RMDN1: variants seen among roughly 807,000 people sequenced by gnomAD.
RMDN1 encodes the protein regulator of microtubule dynamics protein 1.
In RMDN1, 48 loss-of-function variants were observed where a neutral mutation model predicts 48.9. That is an observed-to-expected ratio of 0.98 (90% CI 0.78 to 1.25). The LOEUF is 1.25. RMDN1 is among the 50% of genes most tolerant of loss of function. The probability of loss-of-function intolerance (pLI) is 0.00; values close to 1 mark genes in which losing one functional copy is unlikely to be tolerated. For missense variants in RMDN1, 418 were observed against 373.4 expected (o/e 1.12, Z -0.98); for synonymous variants, 148 against 132.6 (o/e 1.12, Z -0.80).
chr8:86,501,894 G>A lies in RMDN1; in HGVS notation c.247+5101C>T, dbSNP rs182018205. Among the ~76,000 whole-genome samples the A allele has an allele frequency of 4.0e-5, 6 of 150,954 alleles. No homozygotes were observed. In the East Asian group the frequency reaches 1.2e-3, roughly 29 times the overall value. On this transcript the variant is annotated intron_variant, in intron 2 of 9. Transcript: ENST00000406452. ...AGCCAGTAACAAAACCAAGTTCTCT[G>A]CTTTGTCCTTCTTCATAAATACATT... is the stretch of plus-strand genomic sequence containing the variant.
chr8:86,508,286 C>T, intron 1 of RMDN1: 1 of 515,632 alleles, frequency 1.9e-6, no homozygotes, highest in Admixed American at 4.1e-5. Context: ...AAACCCCACT[C>T]CTTCTCTGAC....
In RMDN1 at chr8:86,479,020, A is replaced by T; in HGVS notation, c.642-10T>A. ...GGCAAATGTATAGCACCTACAGGGAAATAAAACAATTTTATACATTCAAAT... is the reference window on the plus strand; with the variant it reads ...GGCAAATGTATAGCACCTACAGGGATATAAAACAATTTTATACATTCAAAT... On this transcript the variant is annotated splice_polypyrimidine_tract_variant and intron_variant, in intron 6 of 9. Coordinates refer to ENST00000406452, the MANE Select transcript of RMDN1 (RefSeq NM_016033.3). 1 of 1,594,542 alleles carries T rather than the reference A, an allele frequency of 6.3e-7. No homozygotes were observed. The highest frequency in any genetic ancestry group is 8.6e-7 in the Non-Finnish European group (1 of 1,163,204).
chr8:86,504,171 C>G, intron 2 of RMDN1: 1 of 1,459,068 alleles, frequency 6.9e-7, no homozygotes, highest in Middle Eastern at 1.7e-4. Context: ...TTCCTGCTAT[C>G]CTACAAAGTG....
chr8:86,485,528 A>C (rs778971127), intron 4 of RMDN1, among the ~76,000 whole-genome samples: 15 of 152,252 alleles, frequency 9.9e-5, no homozygotes, highest in Non-Finnish European at 1.6e-4. Flanking sequence ...AGTTACCAAC[A>C]CAATGAGATA....
At chr8:86,477,226 ATT>A in intron 8 of RMDN1, 66 bp downstream of exon 8, 1 of 1,123,102 alleles carries the variant, frequency 8.9e-7, no homozygotes, top group Non-Finnish European at 1.3e-6. Flanking sequence ...AGACATTGCT[ATT>A]ATAGTATATA....
downstream of RMDN1, chr8:86,470,234 G>A (rs1245586001): frequency 1.7e-5 from 22 of 1,289,192 alleles, no homozygotes; most frequent in African/African-American, 4.6e-5. Context: ...ATACATGTAC[G>A]TGGGGAAATA....
At chr8:86,472,331 A>G (rs1324444637), downstream of RMDN1, 2 of 675,718 alleles carry the variant, frequency 3.0e-6, no homozygotes, top group African/African-American at 1.8e-5. Context: ...GACCTCACAT[A>G]ACAGGTCACA....
chr8:86,511,571 A>T (rs987891335), upstream of RMDN1, among the ~76,000 whole-genome samples: 1 of 152,182 alleles, frequency 6.6e-6, no homozygotes, highest in Admixed American at 6.5e-5. Context: ...GCACTTTGAG[A>T]GGCCAAGGCC....
At position 86,473,610 on chromosome 8, in the gene RMDN1, AC is replaced by A. The variant is rs1162512821; in HGVS notation, c.*697del. The A allele has an allele frequency of 2.5e-6, 1 of 407,936 alleles. No homozygotes were observed. Among genetic ancestry groups the A allele is most frequent in the Non-Finnish European group, 3.3e-6 (1 of 302,668 alleles). The allele number at this position is 407,936 out of a possible 1,614,324, so 25.3% of individuals were successfully genotyped here. On this transcript the variant is annotated 3_prime_UTR_variant, in exon 10 of 10. Coordinates refer to ENST00000406452, the MANE Select transcript of RMDN1 (RefSeq NM_016033.3). ...GCAAAACCCCATCTCTACCAAAAATACAAAAGTTAGCCGAGTGTGGTGGTAC... is the reference window on the plus strand; with the variant it reads ...GCAAAACCCCATCTCTACCAAAAATAAAAAGTTAGCCGAGTGTGGTGGTAC...
upstream of RMDN1, among the ~76,000 whole-genome samples, chr8:86,511,923 G>T (rs754764519): frequency 6.6e-6 from 1 of 151,900 alleles, no homozygotes; most frequent in Non-Finnish European, 1.5e-5. Context: ...AAATACATAG[G>T]AGAAAGAATA....
intron 1 of RMDN1, 37 bp from the exon 2 acceptor site, chr8:86,507,149 A>G: frequency 7.3e-7 from 1 of 1,373,390 alleles, no homozygotes; most frequent in East Asian, 2.3e-5. Context: ...ACAAACTTTG[A>G]AAATTTGAAG....
chr8:86,490,277 C>T (rs1275335566), intron 2 of RMDN1, among the ~76,000 whole-genome samples: 2 of 152,078 alleles, frequency 1.3e-5, no homozygotes, highest in Non-Finnish European at 1.5e-5. Flanking sequence ...TACATGTCAA[C>T]GGTGAACTGT....
chr8:86,473,466 C>T lies in RMDN1; in HGVS notation c.*842G>A. ...AAATTCAGTTTACCATGAGACTACACCACATTTAAAGTAAACTGGCCAGGT... is the reference window on the plus strand; with the variant it reads ...AAATTCAGTTTACCATGAGACTACATCACATTTAAAGTAAACTGGCCAGGT... On this transcript the variant is annotated 3_prime_UTR_variant, in exon 10 of 10. Coordinates refer to ENST00000406452, the MANE Select transcript of RMDN1 (RefSeq NM_016033.3). 1.0e-6 allele frequency: 1 copy of T among 985,406 alleles called. No individual in the cohort carries two copies. Among genetic ancestry groups the T allele is most frequent in the African/African-American group, 1.7e-5 (1 of 57,356 alleles). 61.0% of individuals were successfully genotyped at this position (985,406 alleles called of 1,614,324 possible).
chr8:86,468,950 C>T (rs989932487), downstream of RMDN1, among the ~76,000 whole-genome samples: 17 of 152,122 alleles, frequency 1.1e-4, no homozygotes, highest in Non-Finnish European at 2.5e-4. Context: ...GCCCAAAACA[C>T]AGTTCATGAG....
At chr8:86,493,720 T>C (rs1327874945) in intron 2 of RMDN1, among the ~76,000 whole-genome samples, 3 of 152,214 alleles carry the variant, frequency 2.0e-5, no homozygotes, top group Admixed American at 6.5e-5. Context: ...CTGACACTTT[T>C]ATTTTTGATT....
intron 5 of RMDN1, among the ~76,000 whole-genome samples, chr8:86,483,576 T>A (rs868489841): frequency 6.6e-6 from 1 of 152,214 alleles, no homozygotes; most frequent in Non-Finnish European, 1.5e-5. Flanking sequence ...ACAGGTAAAT[T>A]GTTACATTAT....
intron 2 of RMDN1, among the ~76,000 whole-genome samples, chr8:86,491,727 ATG>A (rs1252553290): frequency 6.6e-6 from 1 of 152,188 alleles, no homozygotes; most frequent in Non-Finnish European, 1.5e-5. Flanking sequence ...TAAAATAGAT[ATG>A]TGCAAGATCA....
At chr8:86,485,935 G>T (rs1815390677) in intron 4 of RMDN1, among the ~76,000 whole-genome samples, 1 of 152,148 alleles carries the variant, frequency 6.6e-6, no homozygotes, top group Non-Finnish European at 1.5e-5. Flanking sequence ...CCTGCCTTTG[G>T]GTTCTATGAA....
chr8:86,471,618 G>A (rs546764536), downstream of RMDN1, among the ~76,000 whole-genome samples: 29 of 152,168 alleles, frequency 1.9e-4, no homozygotes, highest in African/African-American at 7.0e-4. Flanking sequence ...CAATTATAAA[G>A]TATCTAAGGA....
Sources: allele counts gnomAD v4.1 joint callset (sites outside exome capture counted in the v4.1 genomes callset), GRCh38; gene constraint gnomAD v4.1.1; transcripts MANE v1.5; gene names NCBI Gene and HGNC (gene_info 2026-07-23, HGNC 2026-07-21).